FXN: variants seen among roughly 807,000 people sequenced by gnomAD.
FXN encodes frataxin.
Under a neutral mutation model 22.4 loss-of-function variants are expected in FXN, and 14 were observed. The ratio of observed to expected loss-of-function variants is 0.62; its 90% CI spans 0.41 to 0.98. The LOEUF (loss-of-function observed/expected upper bound fraction) is 0.98, where lower values mean the gene tolerates loss of function less well. Ranked by LOEUF, FXN falls within the 50% of genes least tolerant of loss-of-function variation. FXN has a pLI of 0.00. For missense variants in FXN, 267 were observed against 268.4 expected, an observed-to-expected ratio of 0.99 and a Z score of 0.04; for synonymous variants, 120 against 114.1, an observed-to-expected ratio of 1.05 and a Z score of -0.33.
rs1437522087 is a variant in FXN, at chr9:69,035,914, C to A, written c.132C>A (p.Thr44=). Residue 44 remains threonine, a synonymous_variant, in exon 1 of 5, where the codon ACC becomes ACA. Coordinates refer to ENST00000484259, the MANE Select transcript of FXN (RefSeq NM_000144.5). ...APLCGRRGLR[T]DIDATCTPRR... Reference sequence around the variant, plus strand: ...TCTGCGGCCGCCGTGGCCTGCGCACCGACATCGATGCGACCTGCACGCCCC... The same window carrying A: ...TCTGCGGCCGCCGTGGCCTGCGCACAGACATCGATGCGACCTGCACGCCCC... 6 of 1,486,412 alleles carry A rather than the reference C, an allele frequency of 4.0e-6. No homozygotes were observed. The East Asian group carries it at 1.7e-4, about 42-fold the overall frequency. 92.1% of individuals were successfully genotyped at this position (1,486,412 alleles called of 1,614,324 possible). A position where few individuals can be genotyped will look rare whatever the true frequency, so the allele number is the denominator to read the frequency against.
At chr9:69,037,871 C>G (rs897238942) in intron 1 of FXN, among the ~76,000 whole-genome samples, 5 of 152,180 alleles carry the variant, frequency 3.3e-5, no homozygotes, top group Non-Finnish European at 7.4e-5. Context: ...AGGCTGGTCT[C>G]GAACTCCCAA....
Position 69,078,525 on chromosome 9 carries a change from A to G in FXN, c.*5763A>G. 5 of 985,518 alleles carry G rather than the reference A, an allele frequency of 5.1e-6. No homozygotes were observed. The highest frequency in any genetic ancestry group is 6.0e-6 in the Non-Finnish European group (5 of 829,928). 61.0% of individuals were successfully genotyped at this position (985,518 alleles called of 1,614,324 possible). On this transcript the variant is annotated 3_prime_UTR_variant, in exon 5 of 5. Coordinates refer to ENST00000484259, the MANE Select transcript of FXN (RefSeq NM_000144.5). ...AGGCAATCTCTTGTCTGTAAAACCT[A>G]AGCAGGACCAAGGCCAAGTTTCTTA...
chr9:69,040,654 C>T (rs368768079), intron 1 of FXN, among the ~76,000 whole-genome samples: 6 of 151,770 alleles, frequency 4.0e-5, no homozygotes, highest in East Asian at 1.9e-4. Context: ...GGTGACAGAG[C>T]GAGACTGCAT....
At chr9:69,038,486 G>T (rs962904810) in intron 1 of FXN, among the ~76,000 whole-genome samples, 2 of 152,072 alleles carry the variant, frequency 1.3e-5, no homozygotes, top group African/African-American at 4.8e-5. Context: ...ATTCAACCTA[G>T]TACATACAAA....
At position 69,078,096 on chromosome 9, in the gene FXN, G is replaced by T; in HGVS notation, c.*5334G>T. The T allele has an allele frequency of 1.0e-6, 1 of 985,352 alleles. No individual in the cohort carries two copies. Among genetic ancestry groups the T allele is most frequent in the Non-Finnish European group, 1.2e-6 (1 of 829,914 alleles). The allele number at this position is 985,352 out of a possible 1,614,324, so 61.0% of individuals were successfully genotyped here. A position where few individuals can be genotyped will look rare whatever the true frequency, so the allele number is the denominator to read the frequency against. ...GGCTTAAATAAAACCCTAAGAGAAA[G>T]AAAAACTTTAAATCCCTCCAAAGCT... On this transcript the variant is annotated 3_prime_UTR_variant, in exon 5 of 5. Coordinates refer to ENST00000484259, the MANE Select transcript of FXN (RefSeq NM_000144.5).
chr9:69,041,793 A>G (rs1831661187), intron 1 of FXN, among the ~76,000 whole-genome samples: 1 of 152,166 alleles, frequency 6.6e-6, no homozygotes, highest in Non-Finnish European at 1.5e-5. Context: ...AAACTATCTA[A>G]TATTTCCTCA....
rs979519105 is a variant in FXN at position 69,035,812 on chromosome 9, C to T, written c.30C>T (p.Ala10=). 2 of 1,511,664 alleles carry T rather than the reference C, an allele frequency of 1.3e-6. No individual in the cohort carries two copies. Among genetic ancestry groups the T allele is most frequent in the Non-Finnish European group, 1.8e-6 (2 of 1,136,830 alleles). The allele number at this position is 1,511,664 out of a possible 1,614,324, so 93.6% of individuals were successfully genotyped here. ...GGACTCTCGGGCGCCGCGCAGTAGC[C>T]GGCCTCCTGGCGTCACCCAGCCCAG... MWTLGRRAV[A]GLLASPSPAQ... Residue 10 remains alanine (A), a synonymous_variant, in exon 1 of 5, where the codon GCC becomes GCT. Coordinates refer to ENST00000484259, the MANE Select transcript of FXN (RefSeq NM_000144.5).
At position 69,075,696 on chromosome 9, in the gene FXN, A is replaced by C; in HGVS notation, c.*2934A>C. The stretch of plus-strand genomic sequence containing the variant: ...TCACTGTAACATACTGGAGGAGGTG[A>C]GGAATTGCATAATACAATCTTAGAA... On this transcript the variant is annotated 3_prime_UTR_variant, in exon 5 of 5. Transcript: ENST00000484259. The C allele has an allele frequency of 1.0e-6, 1 of 985,352 alleles. No homozygotes were observed. Among genetic ancestry groups the C allele is most frequent in the Non-Finnish European group, 1.2e-6 (1 of 829,880 alleles). The allele number at this position is 985,352 out of a possible 1,614,324, so 61.0% of individuals were successfully genotyped here. A position where few individuals can be genotyped will look rare whatever the true frequency, so the allele number is the denominator to read the frequency against.
intron 4 of FXN, among the ~76,000 whole-genome samples, chr9:69,069,308 C>T (rs189061831): frequency 1.3e-5 from 2 of 152,156 alleles, no homozygotes; most frequent in African/African-American, 2.4e-5. Flanking sequence ...AAGGTTGTAA[C>T]GAACTGAAAT....
intron 2 of FXN, among the ~76,000 whole-genome samples, chr9:69,050,171 ATTTC>A (rs778330269): frequency 2.0e-5 from 3 of 152,158 alleles, no homozygotes; most frequent in Non-Finnish European, 4.4e-5. Context: ...ATACTTGTGT[ATTTC>A]TTTCTATCAC....
rs748030265 is a variant in FXN at position 69,062,181 on chromosome 9, C to T, written c.385-2757C>T. 3.5e-4 allele frequency among the ~76,000 whole-genome samples: 54 copies of T among 152,210 alleles called. 1 individual carries two copies. The highest frequency in any genetic ancestry group is 8.3e-4 in the South Asian group (4 of 4,804). ...GGCTGAAGTGTGGTGGCGTGATCAC[C>T]GGTTATTGCAGCCTCAATCTCTGAG... On this transcript the variant is annotated intron_variant, in intron 3 of 4. Coordinates refer to ENST00000484259, the MANE Select transcript of FXN (RefSeq NM_000144.5).
intron 1 of FXN, among the ~76,000 whole-genome samples, chr9:69,037,161 T>C (rs1301197136): frequency 6.6e-6 from 1 of 151,200 alleles, no homozygotes; most frequent in Non-Finnish European, 1.5e-5. Flanking sequence ...CGGTGGCTCA[T>C]GCCCATAATC....
At chr9:69,056,930 A>G (rs954718550) in intron 3 of FXN, among the ~76,000 whole-genome samples, 3 of 139,936 alleles carry the variant, frequency 2.1e-5, no homozygotes, top group African/African-American at 7.4e-5. Flanking sequence ...TTTTTAGTAG[A>G]GACTGGGTTT....
At chr9:69,045,121 C>T (rs1309206686) in intron 1 of FXN, among the ~76,000 whole-genome samples, 1 of 152,172 alleles carries the variant, frequency 6.6e-6, no homozygotes, top group Non-Finnish European at 1.5e-5. Flanking sequence ...CCACAGGATT[C>T]TCGAAACTGG....
intron 4 of FXN, among the ~76,000 whole-genome samples, chr9:69,065,719 T>G (rs2133128014): frequency 6.6e-6 from 1 of 152,308 alleles, no homozygotes; most frequent in Non-Finnish European, 1.5e-5. Flanking sequence ...AGTGAGTAGC[T>G]TATAACTTTT....
chr9:69,067,181 AAC>A (rs1259518700), intron 4 of FXN, among the ~76,000 whole-genome samples: 1 of 152,202 alleles, frequency 6.6e-6, no homozygotes, highest in East Asian at 1.9e-4. Context: ...GATGCTGCCT[AAC>A]ACAGCCGTCC....
chr9:69,066,076 G>C (rs1022793015), intron 4 of FXN, among the ~76,000 whole-genome samples: 1 of 152,200 alleles, frequency 6.6e-6, no homozygotes, highest in African/African-American at 2.4e-5. Flanking sequence ...AACATGCAGG[G>C]AGAGACATCC....
chr9:69,049,194 C>T (rs749228688), intron 2 of FXN, among the ~76,000 whole-genome samples: 1 of 152,214 alleles, frequency 6.6e-6, no homozygotes, highest in African/African-American at 2.4e-5. Context: ...CTTCCAACCT[C>T]TTCACTTTGG....
chr9:69,067,356 A>G (rs988505861), intron 4 of FXN, among the ~76,000 whole-genome samples: 2 of 152,266 alleles, frequency 1.3e-5, no homozygotes, highest in East Asian at 3.8e-4. Flanking sequence ...CTGCGAAGGC[A>G]CAGGATTCCG....
Sources: allele counts gnomAD v4.1 joint callset (sites outside exome capture counted in the v4.1 genomes callset), GRCh38; gene constraint gnomAD v4.1.1; transcripts MANE v1.5; gene names NCBI Gene and HGNC (gene_info 2026-07-23, HGNC 2026-07-21).